YLPM1: variants seen among roughly 807,000 people sequenced by gnomAD.
YLPM1 encodes the protein YLP motif-containing protein 1.
In YLPM1, 99 loss-of-function variants were observed where a neutral mutation model predicts 230.0. That is an observed-to-expected ratio of 0.43 (90% confidence interval 0.37 to 0.51). The LOEUF is 0.51. YLPM1 is among the 20% of genes least tolerant of loss of function. YLPM1 has a pLI of 0.00. For synonymous variants in YLPM1, 984 were observed against 942.5 expected (o/e 1.04, Z -0.81); for missense variants, 2,592 against 2,707.7 (o/e 0.96, Z 0.95).
chr14:74,836,135 A>AT lies in YLPM1; in HGVS notation c.*399dup, dbSNP rs2091642365. On this transcript the variant is annotated 3_prime_UTR_variant, in exon 21 of 21. Coordinates refer to ENST00000325680, the MANE Select transcript of YLPM1 (RefSeq NM_019589.3). ...GTAACTGGTAGCTGATTGTACTAGG[A>AT]TTAAAAACAATAAACTTTCATGATA... The AT allele has an allele frequency of 4.8e-6, 1 of 206,486 alleles. No homozygotes were observed. The highest frequency in any genetic ancestry group is 9.9e-6 in the Non-Finnish European group (1 of 100,684). 12.8% of individuals were successfully genotyped at this position (206,486 alleles called of 1,614,324 possible).
At position 74,764,184 on chromosome 14, in the gene YLPM1, C is replaced by G; in HGVS notation, c.695C>G (p.Pro232Arg). 6.2e-7 allele frequency: 1 copy of G among 1,613,672 alleles called. No homozygotes were observed. Among genetic ancestry groups the G allele is most frequent in the Non-Finnish European group, 8.5e-7 (1 of 1,179,848 alleles). The change falls in exon 1 of 21, where the codon CCT (proline) becomes CGT (arginine). Residue 232 changes from proline to arginine, a missense_variant. This residue lies in a region of YLPM1 where 1,862 missense variants were observed against 1,819.8 expected (regional missense o/e 1.02). Coordinates refer to ENST00000325680, the MANE Select transcript of YLPM1 (RefSeq NM_019589.3). ...TACTTGCCCTCTTCTCAGGCATCTC[C>G]TTCCCGCCCCTCCCAGGGCCATTCT... ...QSYLPSSQASPSRPSQGHSKS... is the reference protein window; with the variant it reads ...QSYLPSSQASRSRPSQGHSKS...
rs1246232639 is a variant in YLPM1 at position 74,781,696 on chromosome 14, C to A, written c.1653C>A (p.Leu551=). Residue 551 remains leucine (L), a synonymous_variant, in exon 4 of 21, where the codon CTC becomes CTA. Transcript: ENST00000325680. ...SLPPPVMPPA[L]PATVPPPGMP... is the part of the protein sequence containing the mutation. Reference sequence around the variant, plus strand: ...CACCACCAGTGATGCCCCCTGCCCTCCCTGCTACAGTGCCACCACCTGGCA... The same window carrying A: ...CACCACCAGTGATGCCCCCTGCCCTACCTGCTACAGTGCCACCACCTGGCA... The A allele has an allele frequency of 6.2e-7, 1 of 1,612,782 alleles. No homozygotes were observed. The highest frequency in any genetic ancestry group is 8.5e-7 in the Non-Finnish European group (1 of 1,179,524).
At chr14:74,808,664 C>T (rs1438134868) in intron 6 of YLPM1, among the ~76,000 whole-genome samples, 1 of 151,906 alleles carries the variant, frequency 6.6e-6, no homozygotes, top group Non-Finnish European at 1.5e-5. Flanking sequence ...ATCAGCTGGG[C>T]GTGGTGGCGG....
chr14:74,803,767 G>A (rs1004097272), intron 6 of YLPM1, among the ~76,000 whole-genome samples: 1 of 152,116 alleles, frequency 6.6e-6, no homozygotes, highest in Non-Finnish European at 1.5e-5. Flanking sequence ...CTACCCTGCT[G>A]CTGATTGATT....
chr14:74,815,258 G>C (rs1273699988), intron 11 of YLPM1, among the ~76,000 whole-genome samples: 6 of 152,068 alleles, frequency 3.9e-5, no homozygotes, highest in Non-Finnish European at 7.4e-5. Flanking sequence ...CTAGGTAAGA[G>C]TTCATCAATT....
At chr14:74,774,333 A>C (rs565706659) in intron 1 of YLPM1, among the ~76,000 whole-genome samples, 1 of 151,360 alleles carries the variant, frequency 6.6e-6, no homozygotes, top group African/African-American at 2.4e-5. Flanking sequence ...CCTGGGTTCA[A>C]GCGAGTCTCC....
chr14:74,785,030 G>T (rs2091133488), intron 4 of YLPM1, among the ~76,000 whole-genome samples: 1 of 151,954 alleles, frequency 6.6e-6, no homozygotes, highest in African/African-American at 2.4e-5. Context: ...TTTTTTGTTT[G>T]TTTTTTTCAG....
intron 11 of YLPM1, among the ~76,000 whole-genome samples, chr14:74,814,247 G>T (rs1212456286): frequency 6.6e-6 from 1 of 152,194 alleles, no homozygotes; most frequent in East Asian, 1.9e-4. Flanking sequence ...TGTAGTCCCA[G>T]CTACTCAGGA....
intron 4 of YLPM1, among the ~76,000 whole-genome samples, chr14:74,784,601 T>C (rs1214122225): frequency 3.3e-5 from 5 of 152,218 alleles, no homozygotes; most frequent in African/African-American, 1.2e-4. Flanking sequence ...AACATTGGCA[T>C]TGTGATTAGG....
chr14:74,803,191 G>A (rs2140116545), intron 6 of YLPM1, among the ~76,000 whole-genome samples: 1 of 152,136 alleles, frequency 6.6e-6, no homozygotes, highest in Non-Finnish European at 1.5e-5. Context: ...TCCTTCAGAT[G>A]GGGAAATGTC....
In YLPM1 at chr14:74,816,584, A is replaced by T; in HGVS notation, c.5579A>T (p.Glu1860Val). 6.2e-7 allele frequency: 1 copy of T among 1,613,192 alleles called. No homozygotes were observed. Among genetic ancestry groups the T allele is most frequent in the Non-Finnish European group, 8.5e-7 (1 of 1,179,620 alleles). Residue 1860 changes from glutamate (E) to valine (V), a missense_variant, in exon 13 of 21, where the codon GAA (glutamate) becomes GTA (valine). Physicochemically the swap from Glu to Val is moderately radical, Grantham distance 121 (BLOSUM62 -2). Coordinates refer to ENST00000325680, the MANE Select transcript of YLPM1 (RefSeq NM_019589.3). ...TATGATTCTTAGGATAAGGAGGTAG[A>T]ATTTGGAGGACCTGCACCCAGAGTT... ...VAKLIRDKEV[E>V]FGGPAPRVLS...
Position 74,763,770 on chromosome 14 carries a change from G to C in YLPM1, c.281G>C (p.Gly94Ala). ...PPLPPPPVMP[G>A]GGYGDWQPPP... Reference sequence around the variant, plus strand: ...CTGCCGCCCCCGCCAGTGATGCCGGGGGGCGGCTACGGAGACTGGCAGCCG... The same window carrying C: ...CTGCCGCCCCCGCCAGTGATGCCGGCGGGCGGCTACGGAGACTGGCAGCCG... The change falls in exon 1 of 21, where the codon GGG becomes GCG. Residue 94 changes from glycine (G) to alanine (A), a missense_variant. Coordinates refer to ENST00000325680, the MANE Select transcript of YLPM1 (RefSeq NM_019589.3). 6.7e-7 allele frequency: 1 copy of C among 1,488,844 alleles called. No individual in the cohort carries two copies. Among genetic ancestry groups the C allele is most frequent in the Non-Finnish European group, 8.9e-7 (1 of 1,120,266 alleles). 92.2% of individuals were successfully genotyped at this position (1,488,844 alleles called of 1,614,324 possible). A position where few individuals can be genotyped will look rare whatever the true frequency, so the allele number is the denominator to read the frequency against.
In YLPM1 at chr14:74,798,229, G is replaced by A; in HGVS notation, c.2932G>A (p.Ala978Thr). 1 of 1,613,994 alleles carries A rather than the reference G, an allele frequency of 6.2e-7. No individual in the cohort carries two copies. Among genetic ancestry groups the A allele is most frequent in the Non-Finnish European group, 8.5e-7 (1 of 1,179,906 alleles). Reference protein sequence around the residue: ...GTAVATSSLTADNDFKPVGIG... With the variant: ...GTAVATSSLTTDNDFKPVGIG... Reference sequence around the variant, plus strand: ...AGCAGTAGCAACATCATCATTAACAGCAGATAATGATTTTAAACCTGTGGG... The same window carrying A: ...AGCAGTAGCAACATCATCATTAACAACAGATAATGATTTTAAACCTGTGGG... Residue 978 changes from alanine to threonine, a missense_variant, in exon 5 of 21, where the codon GCA (alanine) becomes ACA (threonine). This residue lies in a region of YLPM1 where 1,862 missense variants were observed against 1,819.8 expected (regional missense o/e 1.02). Transcript: ENST00000325680.
chr14:74,809,397 A>T lies in YLPM1; in HGVS notation c.4539A>T (p.Arg1513Ser). Residue 1513 changes from arginine to serine, a missense_variant, in exon 7 of 21, where the codon AGA (arginine) becomes AGT (serine). Arg to Ser is a moderately radical substitution (Grantham distance 110). This residue lies in a region of YLPM1 where 403 missense variants were observed against 426.7 expected (regional missense o/e 0.94). Coordinates refer to ENST00000325680, the MANE Select transcript of YLPM1 (RefSeq NM_019589.3). The part of the protein sequence containing the change: ...PGMYPPPGSY[R>S]PPPPMGKPPG... ...TTCTCTAGCCTCCAGGGTCGTATAGACCTCCCCCTCCTATGGGCAAACCAC... is the reference window on the plus strand; with the variant it reads ...TTCTCTAGCCTCCAGGGTCGTATAGTCCTCCCCCTCCTATGGGCAAACCAC... 1 of 1,607,980 alleles carries T rather than the reference A, an allele frequency of 6.2e-7. No homozygotes were observed.
At chr14:74,779,622 G>A (rs1182781253) in intron 2 of YLPM1, among the ~76,000 whole-genome samples, 1 of 148,792 alleles carries the variant, frequency 6.7e-6, no homozygotes, top group Admixed American at 6.9e-5. Flanking sequence ...GAGTGAAAAG[G>A]TCTATAACTT....
At chr14:74,835,202 G>C (rs571717480) in intron 19 of YLPM1, 63 bp from the exon 20 acceptor site, 2 of 1,590,252 alleles carry the variant, frequency 1.3e-6, no homozygotes, top group Middle Eastern at 1.7e-4. Flanking sequence ...TGTCCAGAGA[G>C]GGAGGGGGCT....
chr14:74,766,060 T>C (rs1010715354), intron 1 of YLPM1, among the ~76,000 whole-genome samples: 1 of 152,210 alleles, frequency 6.6e-6, no homozygotes, highest in African/African-American at 2.4e-5. Flanking sequence ...GCCCTGCTTG[T>C]GCTCACCCAT....
Position 74,822,852 on chromosome 14 carries a change from G to A in YLPM1, c.6112-1404G>A, listed in dbSNP as rs568623559. On this transcript the variant is annotated intron_variant, in intron 17 of 20. Coordinates refer to ENST00000325680, the MANE Select transcript of YLPM1 (RefSeq NM_019589.3). Reference sequence around the variant, plus strand: ...CAAAGTTTTGTTGGTAAAGATAATCGTTTGTAGGGGATCATTGGTATGATA... The same window carrying A: ...CAAAGTTTTGTTGGTAAAGATAATCATTTGTAGGGGATCATTGGTATGATA... Among the ~76,000 whole-genome samples the A allele has an allele frequency of 1.6e-3, 243 of 151,610 alleles. 1 individual carries two copies. Among genetic ancestry groups the A allele is most frequent in the African/African-American group, 5.6e-3 (232 of 41,348 alleles).
At position 74,811,726 on chromosome 14, in the gene YLPM1, T is replaced by C. The variant is rs759061823; in HGVS notation, c.5335T>C (p.Ser1779Pro). 3 of 1,597,912 alleles carry C rather than the reference T, an allele frequency of 1.9e-6. No individual in the cohort carries two copies. Among genetic ancestry groups the C allele is most frequent in the Non-Finnish European group, 2.6e-6 (3 of 1,175,350 alleles). The change falls in exon 10 of 21, where the codon TCC becomes CCC. Residue 1779 changes from serine to proline, a missense_variant. By Grantham distance (74) the Ser-to-Pro change is moderately conservative (BLOSUM62 -1). Coordinates refer to ENST00000325680, the MANE Select transcript of YLPM1 (RefSeq NM_019589.3). ...TGACCGACCAGTCTATGAAGGACCA[T>C]CCATGTTTGGAGGTAGAGTGATGCC... ...KSDRPVYEGPSMFGGERRTYP... is the reference protein window; with the variant it reads ...KSDRPVYEGPPMFGGERRTYP...
Sources: gnomAD v4.1 joint callset for allele counts (sites outside exome capture counted in the v4.1 genomes callset) on GRCh38, gnomAD v4.1.1 for gene constraint, gnomAD v4.1.1 regional missense constraint, MANE v1.5 for transcripts, NCBI Gene and HGNC (gene_info 2026-07-23, HGNC 2026-07-21) for gene names.